Variants in VASH1 observed in about 807,000 individuals in gnomAD.
The protein encoded by VASH1 is vasohibin 1.
Under a neutral mutation model 35.0 loss-of-function variants are expected in VASH1, and 16 were observed. The observed-to-expected ratio is 0.46, with a 90% CI of 0.31 to 0.70. VASH1 has a LOEUF of 0.70. VASH1 is among the 30% of genes least tolerant of loss of function. VASH1 has a pLI of 0.05. For missense variants in VASH1, 505 were observed against 510.7 expected (o/e 0.99, Z 0.11); for synonymous variants, 214 against 200.9 (o/e 1.07, Z -0.55).
Position 76,771,247 on chromosome 14 carries a change from G to C in VASH1, c.455+1G>C, listed in dbSNP as rs1271085768. On this transcript the variant is annotated splice_donor_variant, in intron 3 of 6. Transcript: ENST00000167106. LOFTEE classifies it high-confidence loss of function. ...TTAAGAAGAGCAGACCTCTGACAGG[G>C]TAAGTATGGGGAGGCCAGTCCTCTG... The C allele has an allele frequency of 6.2e-7, 1 of 1,601,044 alleles. No homozygotes were observed. Among genetic ancestry groups the C allele is most frequent in the African/African-American group, 1.3e-5 (1 of 74,320 alleles).
At chr14:76,770,501 C>A (rs1466969348) in intron 2 of VASH1, among the ~76,000 whole-genome samples, 1 of 152,212 alleles carries the variant, frequency 6.6e-6, no homozygotes, top group African/African-American at 2.4e-5. Context: ...GAGGTAACTT[C>A]AGGATCCTAG....
At chr14:76,771,655 A>C (rs748817721) in intron 3 of VASH1, among the ~76,000 whole-genome samples, 1 of 152,090 alleles carries the variant, frequency 6.6e-6, no homozygotes, top group African/African-American at 2.4e-5. Context: ...GCTGATTCCC[A>C]TTGCAGGGTA....
intron 4 of VASH1, among the ~76,000 whole-genome samples, 197 bp from the exon 5 acceptor site, chr14:76,775,695 G>GC (rs1182147628): frequency 1.3e-5 from 2 of 152,162 alleles, no homozygotes; most frequent in Non-Finnish European, 2.9e-5. Flanking sequence ...CCTTTATTGA[G>GC]CTCCAGCTGG....
chr14:76,772,059 G>A (rs1052616834), intron 3 of VASH1, among the ~76,000 whole-genome samples: 1 of 152,152 alleles, frequency 6.6e-6, no homozygotes, highest in Non-Finnish European at 1.5e-5. Context: ...GGCCAACATG[G>A]TGAAACCCCA....
At position 76,778,993 on chromosome 14, in the gene VASH1, T is replaced by C; in HGVS notation, c.1073T>C (p.Leu358Pro). Residue 358 changes from leucine (L) to proline (P), a missense_variant, in exon 7 of 7, where the codon CTT becomes CCT. By Grantham distance (98) the Leu-to-Pro change is moderately conservative. Coordinates refer to ENST00000167106, the MANE Select transcript of VASH1 (RefSeq NM_014909.5). ...KTSEPKAMPD[L>P]NGYQIRV ...TCCGAGCCCAAAGCCATGCCAGACCTTAACGGGTACCAGATCCGGGTCTGA... is the reference window on the plus strand; with the variant it reads ...TCCGAGCCCAAAGCCATGCCAGACCCTAACGGGTACCAGATCCGGGTCTGA... The C allele has an allele frequency of 6.2e-7, 1 of 1,614,144 alleles. No individual in the cohort carries two copies. The highest frequency in any genetic ancestry group is 8.5e-7 in the Non-Finnish European group (1 of 1,180,044).
Position 76,776,412 on chromosome 14 carries a change from C to A in VASH1, c.912+139C>A. ...ACCTTGCTTAGTGGTCGATATTGTTCAGGTGGTCCCCTGGGGTGGGCAGAC... is the reference window on the plus strand; with the variant it reads ...ACCTTGCTTAGTGGTCGATATTGTTAAGGTGGTCCCCTGGGGTGGGCAGAC... On this transcript the variant is annotated intron_variant, in intron 5 of 6. Coordinates refer to ENST00000167106, the MANE Select transcript of VASH1 (RefSeq NM_014909.5). The A allele has an allele frequency of 2.4e-6, 3 of 1,236,862 alleles. No homozygotes were observed. The South Asian group carries it at 4.7e-5, about 19-fold the overall frequency. 76.6% of individuals were successfully genotyped at this position (1,236,862 alleles called of 1,614,324 possible).
rs555366905 is a variant in VASH1, at chr14:76,779,313, G to C, written c.*295G>C. The C allele has an allele frequency of 5.1e-5, 36 of 702,468 alleles. 1 individual carries two copies. In the South Asian group the frequency reaches 5.3e-4, roughly 10 times the overall value. The allele number at this position is 702,468 out of a possible 1,614,324, so 43.5% of individuals were successfully genotyped here. On this transcript the variant is annotated 3_prime_UTR_variant, in exon 7 of 7. Transcript: ENST00000167106. Reference sequence around the variant, plus strand: ...GGATCTGCTGATGGTGGGAAGGCCAGTGCTTAACAAATCCATGTGTCATGG... The same window carrying C: ...GGATCTGCTGATGGTGGGAAGGCCACTGCTTAACAAATCCATGTGTCATGG...
chr14:76,770,883 T>C (rs1467140847), intron 2 of VASH1, among the ~76,000 whole-genome samples: 3 of 152,212 alleles, frequency 2.0e-5, no homozygotes, highest in African/African-American at 7.2e-5. Flanking sequence ...CTGTGGCTTC[T>C]CAGCTGGTTG....
chr14:76,767,655 C>T (rs2140175689), intron 1 of VASH1, among the ~76,000 whole-genome samples: 1 of 152,300 alleles, frequency 6.6e-6, no homozygotes, highest in South Asian at 2.1e-4. Flanking sequence ...GGGGCAAGAC[C>T]TAAAATGGGC....
At chr14:76,772,738 C>T (rs1450259911) in intron 3 of VASH1, among the ~76,000 whole-genome samples, 2 of 152,226 alleles carry the variant, frequency 1.3e-5, no homozygotes, top group Non-Finnish European at 2.9e-5. Flanking sequence ...TACTGTGCTT[C>T]AGAAGGGAAG....
chr14:76,769,973 C>G lies in VASH1; in HGVS notation c.320C>G (p.Pro107Arg). The change falls in exon 2 of 7, where the codon CCG becomes CGG. Residue 107 changes from proline to arginine, a missense_variant. Transcript: ENST00000167106. ...GATDLPKIPI[P>R]SVPTFQPSTP... ...TTTCTCTGTCCCCAGATCCCCATAC[C>G]GAGTGTGCCTACGTTCCAGCCGTCT... The G allele has an allele frequency of 6.2e-7, 1 of 1,613,868 alleles. No homozygotes were observed. Among genetic ancestry groups the G allele is most frequent in the Non-Finnish European group, 8.5e-7 (1 of 1,179,850 alleles).
intron 1 of VASH1, among the ~76,000 whole-genome samples, chr14:76,769,098 C>G (rs982393252): frequency 1.6e-4 from 25 of 152,194 alleles, no homozygotes; most frequent in African/African-American, 5.8e-4. Flanking sequence ...ATAATGGTCT[C>G]TTTTCTGGAG....
At chr14:76,768,946 GTTC>G (rs1281372387) in intron 1 of VASH1, among the ~76,000 whole-genome samples, 1 of 152,168 alleles carries the variant, frequency 6.6e-6, no homozygotes, top group East Asian at 1.9e-4. Flanking sequence ...TGGAAGTCTG[GTTC>G]TTCTACCCAA....
At chr14:76,778,553 G>A (rs2140190758) in intron 6 of VASH1, among the ~76,000 whole-genome samples, 1 of 152,268 alleles carries the variant, frequency 6.6e-6, no homozygotes, top group South Asian at 2.1e-4. Flanking sequence ...TCATTCAGGA[G>A]CCACCTCTCT....
intron 1 of VASH1, among the ~76,000 whole-genome samples, chr14:76,767,639 G>A (rs142053963): frequency 1.6e-4 from 24 of 152,296 alleles, no homozygotes; most frequent in African/African-American, 5.5e-4. Flanking sequence ...TCGGAGGTGG[G>A]GGTGAGGGGC....
chr14:76,777,976 C>T lies in VASH1; in HGVS notation c.930C>T (p.Gly310=). The T allele has an allele frequency of 6.5e-7, 1 of 1,534,540 alleles. No individual in the cohort carries two copies. Residue 310 remains glycine, a synonymous_variant, in exon 6 of 7, where the codon GGC becomes GGT. Transcript: ENST00000167106. The part of the protein sequence containing the change: ...DMRLKIGKGT[G]PPSPTKDRKK... The stretch of plus-strand genomic sequence containing the variant: ...GCACCTAGATTGGCAAAGGGACGGG[C>T]CCTCCCTCTCCCACCAAGGACCGGA...
rs11558546 is a variant in VASH1 at position 76,781,688 on chromosome 14, C to T, written c.*2670C>T. ...AGCTGATAATCCCCCAGCACTCACCCTTCCTGAGCTGAGACTTCGGGGCTG... is the reference window on the plus strand; with the variant it reads ...AGCTGATAATCCCCCAGCACTCACCTTTCCTGAGCTGAGACTTCGGGGCTG... On this transcript the variant is annotated 3_prime_UTR_variant, in exon 7 of 7. Transcript: ENST00000167106. 4.6e-5 allele frequency: 7 copies of T among 152,556 alleles called. No homozygotes were observed. Among genetic ancestry groups the T allele is most frequent in the African/African-American group, 1.7e-4 (7 of 41,462 alleles). 9.5% of individuals were successfully genotyped at this position (152,556 alleles called of 1,614,324 possible).
In VASH1 at chr14:76,781,802, T is replaced by C. The variant is rs927752758; in HGVS notation, c.*2784T>C. ...GCAACCCCTCCTCCCCTCCTGGGCA[T>C]GTTTACACAGGCTCTGCTCTGGGGG... On this transcript the variant is annotated 3_prime_UTR_variant, in exon 7 of 7. Coordinates refer to ENST00000167106, the MANE Select transcript of VASH1 (RefSeq NM_014909.5). The C allele has an allele frequency of 6.5e-6, 1 of 152,958 alleles. No individual in the cohort carries two copies. Among genetic ancestry groups the C allele is most frequent in the African/African-American group, 2.4e-5 (1 of 41,438 alleles). 9.5% of individuals were successfully genotyped at this position (152,958 alleles called of 1,614,324 possible). A position where few individuals can be genotyped will look rare whatever the true frequency, so the allele number is the denominator to read the frequency against.
rs777978640 is a variant in VASH1, at chr14:76,776,253, G to A, written c.892G>A (p.Ala298Thr). 1.6e-5 allele frequency: 25 copies of A among 1,598,006 alleles called. No individual in the cohort carries two copies. Among genetic ancestry groups the A allele is most frequent in the Non-Finnish European group, 2.0e-5 (24 of 1,174,652 alleles). Reference sequence around the variant, plus strand: ...CTTCCGCAAGGAGCTGGAGCGCCACGCCCGCGACATGCGGCTCAAGGTCTG... The same window carrying A: ...CTTCCGCAAGGAGCTGGAGCGCCACACCCGCGACATGCGGCTCAAGGTCTG... Reference protein sequence around the residue: ...DDFRKELERHARDMRLKIGKG... With the variant: ...DDFRKELERHTRDMRLKIGKG... The change falls in exon 5 of 7, where the codon GCC becomes ACC. Residue 298 changes from alanine to threonine, a missense_variant. By Grantham distance (58) the Ala-to-Thr change is moderately conservative (BLOSUM62 0). Coordinates refer to ENST00000167106, the MANE Select transcript of VASH1 (RefSeq NM_014909.5).
Sources: allele counts gnomAD v4.1 joint callset (sites outside exome capture counted in the v4.1 genomes callset), GRCh38; gene constraint gnomAD v4.1.1; transcripts MANE v1.5; gene names NCBI Gene and HGNC (gene_info 2026-07-23, HGNC 2026-07-21).